Variants in PRKD1 observed in about 807,000 individuals in gnomAD.
PRKD1 encodes protein kinase D1.
Under a neutral mutation model 95.9 loss-of-function variants are expected in PRKD1, and 63 were observed. That is an observed-to-expected ratio of 0.66 (90% confidence interval 0.54 to 0.81). The LOEUF (loss-of-function observed/expected upper bound fraction) is 0.81. PRKD1 is among the 30% of genes least tolerant of loss of function. The probability of loss-of-function intolerance (pLI) is 0.00; values close to 1 mark genes in which losing one functional copy is unlikely to be tolerated. For synonymous variants in PRKD1, 425 were observed against 423.1 expected (o/e 1.00, Z -0.05); for missense variants, 1,048 against 1,165.3 (o/e 0.90, Z 1.47).
At chr14:29,599,374 C>A (rs550957393) in intron 14 of PRKD1, among the ~76,000 whole-genome samples, 2 of 152,190 alleles carry the variant, frequency 1.3e-5, no homozygotes, top group African/African-American at 2.4e-5. Flanking sequence ...GACACCCATT[C>A]TTAAATATTC....
intron 8 of PRKD1, 128 bp downstream of exon 8, chr14:29,634,290 T>C: frequency 3.6e-6 from 5 of 1,385,858 alleles, no homozygotes; most frequent in Non-Finnish European, 5.0e-6. Flanking sequence ...CCTTACCTAA[T>C]CCCGTGTCAT....
chr14:29,762,451 C>G (rs528191342), intron 1 of PRKD1, among the ~76,000 whole-genome samples: 1 of 152,146 alleles, frequency 6.6e-6, no homozygotes, highest in African/African-American at 2.4e-5. Context: ...CTGGAATTCT[C>G]AACTTAGAGG....
chr14:29,813,941 G>A (rs575599329), intron 1 of PRKD1, among the ~76,000 whole-genome samples: 5 of 152,124 alleles, frequency 3.3e-5, no homozygotes, highest in African/African-American at 1.2e-4. Context: ...TGTACCTCTG[G>A]GTAAACATTG....
At chr14:29,832,177 C>CA (rs1446726906) in intron 1 of PRKD1, among the ~76,000 whole-genome samples, 1 of 152,076 alleles carries the variant, frequency 6.6e-6, no homozygotes, top group East Asian at 1.9e-4. Context: ...CTCACACTTT[C>CA]ACCCAATATA....
At chr14:29,836,846 A>G (rs561829512) in intron 1 of PRKD1, among the ~76,000 whole-genome samples, 1 of 152,288 alleles carries the variant, frequency 6.6e-6, no homozygotes, top group East Asian at 1.9e-4. Flanking sequence ...AAGAGTGGGA[A>G]GGCCACAGGT....
chr14:29,904,496 G>A (rs770335011), intron 1 of PRKD1, among the ~76,000 whole-genome samples: 9 of 152,160 alleles, frequency 5.9e-5, no homozygotes, highest in Admixed American at 2.0e-4. Context: ...TGTATTAAAT[G>A]TCTAGGTAGG....
Position 29,578,296 on chromosome 14 carries a change from G to A in PRKD1, c.2499C>T (p.Thr833=), listed in dbSNP as rs1277123021. Residue 833 remains threonine (T), a synonymous_variant, in exon 17 of 18, where the codon ACC becomes ACT. Coordinates refer to ENST00000331968, the MANE Select transcript of PRKD1 (RefSeq NM_002742.3). Reference sequence around the variant, plus strand: ...TTACCTGTAGCCAAGGGTGGCTCAAGGTCTTATCCACACTGTAGCGCTTTC... The same window carrying A: ...TTACCTGTAGCCAAGGGTGGCTCAAAGTCTTATCCACACTGTAGCGCTTTC... The part of the protein sequence containing the change: ...KMRKRYSVDK[T]LSHPWLQDYQ... 6.2e-7 allele frequency: 1 copy of A among 1,608,012 alleles called. No individual in the cohort carries two copies. Among genetic ancestry groups the A allele is most frequent in the Admixed American group, 1.7e-5 (1 of 59,036 alleles).
chr14:29,715,518 C>T (rs933798863), intron 2 of PRKD1, among the ~76,000 whole-genome samples: 2 of 152,076 alleles, frequency 1.3e-5, no homozygotes, highest in Admixed American at 1.3e-4. Flanking sequence ...TATCTCTCAG[C>T]CAATTCTCAT....
rs5807556 is a variant in PRKD1 at position 29,920,587 on chromosome 14, T to TACACACACACACAC, written c.264+6648_264+6661dup. 5.6e-3 allele frequency among the ~76,000 whole-genome samples: 796 copies of TACACACACACACAC among 141,352 alleles called. 11 individuals carry two copies. The highest frequency in any genetic ancestry group is 0.019 in the African/African-American group (737 of 38,330). The allele number at this position is 141,352 out of a possible 152,430, so 92.7% of individuals were successfully genotyped here. Reference sequence around the variant, plus strand: ...AGCTTATTCAATGATTCCAGTCTAATACACACACACACACACACACACACA... The same window carrying TACACACACACACAC: ...AGCTTATTCAATGATTCCAGTCTAATACACACACACACACACACACACACACACACACACACACA... On this transcript the variant is annotated intron_variant, in intron 1 of 17. Coordinates refer to ENST00000331968, the MANE Select transcript of PRKD1 (RefSeq NM_002742.3).
At position 29,603,578 on chromosome 14, in the gene PRKD1, T is replaced by A. The variant is rs572441387; in HGVS notation, c.1906-3761A>T. Among the ~76,000 whole-genome samples, 3 of 152,326 alleles carry A rather than the reference T, an allele frequency of 2.0e-5. No homozygotes were observed. In the South Asian group the frequency reaches 6.2e-4, roughly 32 times the overall value. ...TTATTTTTTAATACCTTAAGTACAATTTTAAAATAAGTTCAACCAAGGTGG... is the reference window on the plus strand; with the variant it reads ...TTATTTTTTAATACCTTAAGTACAAATTTAAAATAAGTTCAACCAAGGTGG... On this transcript the variant is annotated intron_variant, in intron 13 of 17. Coordinates refer to ENST00000331968, the MANE Select transcript of PRKD1 (RefSeq NM_002742.3).
At chr14:29,701,311 A>C (rs1279224928) in intron 2 of PRKD1, among the ~76,000 whole-genome samples, 3 of 152,150 alleles carry the variant, frequency 2.0e-5, no homozygotes, top group African/African-American at 7.2e-5. Context: ...GAGGCCCAAA[A>C]ATCTACGTTT....
intron 1 of PRKD1, among the ~76,000 whole-genome samples, chr14:29,776,669 T>C (rs1409719445): frequency 6.6e-6 from 1 of 152,210 alleles, no homozygotes; most frequent in African/African-American, 2.4e-5. Flanking sequence ...TAGATCTGAT[T>C]GCTGTACCTG....
chr14:29,609,249 A>C (rs1878248219), intron 13 of PRKD1, among the ~76,000 whole-genome samples: 1 of 152,156 alleles, frequency 6.6e-6, no homozygotes, highest in Admixed American at 6.5e-5. Context: ...AACAATAGTA[A>C]GTTGAAGCAT....
At chr14:29,876,415 C>T (rs1893291912) in intron 1 of PRKD1, among the ~76,000 whole-genome samples, 1 of 152,048 alleles carries the variant, frequency 6.6e-6, no homozygotes, top group Admixed American at 6.5e-5. Flanking sequence ...TTGGGTGTAT[C>T]CTGATTTTGG....
intron 13 of PRKD1, among the ~76,000 whole-genome samples, chr14:29,601,733 C>T (rs551766670): frequency 1.3e-5 from 2 of 152,302 alleles, no homozygotes; most frequent in South Asian, 4.1e-4. Context: ...TGACGACATA[C>T]ACTTGTTTGA....
chr14:29,593,823 G>T (rs1256633743), intron 16 of PRKD1, among the ~76,000 whole-genome samples: 1 of 152,152 alleles, frequency 6.6e-6, no homozygotes, highest in African/African-American at 2.4e-5. Context: ...TTAATTCATT[G>T]ATAAAGTATT....
At chr14:29,799,799 G>A (rs538605329) in intron 1 of PRKD1, among the ~76,000 whole-genome samples, 2 of 152,298 alleles carry the variant, frequency 1.3e-5, no homozygotes, top group African/African-American at 2.4e-5. Context: ...AGACATGCAC[G>A]GAGTGGCAAG....
In PRKD1 at chr14:29,768,720, A is replaced by AAC. The variant is rs199880297; in HGVS notation, c.265-43047_265-43046insGT. 7.2e-3 allele frequency among the ~76,000 whole-genome samples: 1,100 copies of AAC among 151,940 alleles called. 16 individuals carry two copies. Among genetic ancestry groups the AAC allele is most frequent in the African/African-American group, 0.025 (1,020 of 41,464 alleles). On this transcript the variant is annotated intron_variant, in intron 1 of 17. Transcript: ENST00000331968. ...TCTTTCTCCCTGATTAAAAAAAAAA[A>AAC]AACAACCAAAGCAAAATAACTGAGT...
intron 2 of PRKD1, among the ~76,000 whole-genome samples, chr14:29,682,625 G>A (rs1339258451): frequency 2.6e-5 from 4 of 152,108 alleles, no homozygotes; most frequent in Non-Finnish European, 5.9e-5. Flanking sequence ...CACAGTTTTA[G>A]GAAGCAGCAG....
Sources: gnomAD v4.1 joint callset for allele counts (sites outside exome capture counted in the v4.1 genomes callset) on GRCh38, gnomAD v4.1.1 for gene constraint, MANE v1.5 for transcripts, NCBI Gene and HGNC (gene_info 2026-07-23, HGNC 2026-07-21) for gene names.